Variants in NEGR1 observed in about 807,000 individuals in gnomAD.
The protein encoded by NEGR1 is neuronal growth regulator 1, also known as IgLON family member 4.
In NEGR1, 10 loss-of-function variants were observed where a neutral mutation model predicts 40.9. That is an observed-to-expected ratio of 0.24 (90% CI 0.15 to 0.42). The LOEUF is 0.42. NEGR1 is among the 10% of genes least tolerant of loss of function. The pLI is 1.00. For synonymous variants in NEGR1, 185 were observed against 166.8 expected (o/e 1.11, Z -0.84); for missense variants, 352 against 438.9 (o/e 0.80, Z 1.77).
Position 72,026,227 on chromosome 1 carries a change from A to G in NEGR1, c.177-90916T>C, listed in dbSNP as rs578010302. The stretch of plus-strand genomic sequence containing the variant: ...TGTGAAGTGGTTCTCATCTCAACTG[A>G]TTTACTGTTAAAAATGGAAAGATAG... On this transcript the variant is annotated intron_variant, in intron 1 of 6. Coordinates refer to ENST00000357731, the MANE Select transcript of NEGR1 (RefSeq NM_173808.3). Among the ~76,000 whole-genome samples the G allele has an allele frequency of 6.0e-5, 9 of 150,596 alleles. No individual in the cohort carries two copies. In the South Asian group the frequency reaches 8.4e-4, roughly 14 times the overall value.
chr1:71,965,721 CAATAT>C, intron 1 of NEGR1, among the ~76,000 whole-genome samples: 1 of 152,000 alleles, frequency 6.6e-6, no homozygotes, highest in South Asian at 2.1e-4. Context: ...TAACAGAATC[CAATAT>C]AATAAATTAA....
intron 6 of NEGR1, among the ~76,000 whole-genome samples, chr1:71,485,163 G>A (rs1646879686): frequency 6.6e-6 from 1 of 151,490 alleles, no homozygotes; most frequent in Admixed American, 6.6e-5. Context: ...TGTGTGTGAG[G>A]AGGTAAAGAA....
chr1:72,239,007 G>C (rs1009981347), intron 1 of NEGR1, among the ~76,000 whole-genome samples: 1 of 151,726 alleles, frequency 6.6e-6, no homozygotes, highest in African/African-American at 2.4e-5. Flanking sequence ...CATTTTTCAT[G>C]GGTGTCACAT....
intron 1 of NEGR1, among the ~76,000 whole-genome samples, chr1:72,080,556 T>G (rs1647951966): frequency 6.6e-6 from 1 of 152,118 alleles, no homozygotes; most frequent in Non-Finnish European, 1.5e-5. Context: ...TATAGTGAAT[T>G]ATGCACTAGG....
intron 2 of NEGR1, among the ~76,000 whole-genome samples, chr1:71,902,301 G>A (rs753879336): frequency 1.3e-5 from 2 of 152,132 alleles, no homozygotes; most frequent in Non-Finnish European, 2.9e-5. Flanking sequence ...ACATGTATTC[G>A]TTAAAGCTTG....
chr1:71,991,971 A>G (rs1239756383), intron 1 of NEGR1, among the ~76,000 whole-genome samples: 1 of 151,104 alleles, frequency 6.6e-6, no homozygotes, highest in African/African-American at 2.4e-5. Context: ...TTTTTTTTGT[A>G]TTTTAGTAGA....
chr1:71,694,418 C>T (rs749295513), intron 4 of NEGR1, among the ~76,000 whole-genome samples: 7 of 151,780 alleles, frequency 4.6e-5, no homozygotes, highest in Non-Finnish European at 1.0e-4. Flanking sequence ...TAATATCCCC[C>T]TACTTAGAAA....
intron 1 of NEGR1, among the ~76,000 whole-genome samples, chr1:72,157,285 G>A (rs990224951): frequency 1.3e-5 from 2 of 151,998 alleles, no homozygotes; most frequent in African/African-American, 4.8e-5. Context: ...TTGTTTGTGT[G>A]TTTTATATTG....
chr1:71,554,595 C>A (rs936418124), intron 6 of NEGR1, among the ~76,000 whole-genome samples: 5 of 151,368 alleles, frequency 3.3e-5, no homozygotes, highest in African/African-American at 1.2e-4. Context: ...TGCCCTCAAA[C>A]TCCAAAAAAC....
chr1:72,060,533 A>G (rs1647157587), intron 1 of NEGR1, among the ~76,000 whole-genome samples: 1 of 151,632 alleles, frequency 6.6e-6, no homozygotes, highest in South Asian at 2.1e-4. Flanking sequence ...TTAATGAAAG[A>G]TCTATGTCTT....
At chr1:71,996,232 A>T (rs953660510) in intron 1 of NEGR1, among the ~76,000 whole-genome samples, 1 of 152,176 alleles carries the variant, frequency 6.6e-6, no homozygotes. Flanking sequence ...TAGATAAAAC[A>T]TACTTTCTAT....
At chr1:71,458,088 A>G (rs1646687183) in intron 6 of NEGR1, among the ~76,000 whole-genome samples, 1 of 152,118 alleles carries the variant, frequency 6.6e-6, no homozygotes, top group South Asian at 2.1e-4. Context: ...TTTATCCTAG[A>G]TCTATTTAAC....
intron 6 of NEGR1, among the ~76,000 whole-genome samples, chr1:71,492,111 G>A (rs561346593): frequency 6.6e-6 from 1 of 152,164 alleles, no homozygotes; most frequent in East Asian, 1.9e-4. Context: ...CTTTGATCTT[G>A]GAGAGCTATG....
intron 6 of NEGR1, among the ~76,000 whole-genome samples, chr1:71,418,433 C>T (rs1569849135): frequency 6.6e-6 from 1 of 152,102 alleles, no homozygotes; most frequent in East Asian, 1.9e-4. Context: ...CCTGCCTCAG[C>T]CTCTCGAGTA....
At chr1:72,269,681 C>CA (rs1655777371) in intron 1 of NEGR1, among the ~76,000 whole-genome samples, 1 of 151,538 alleles carries the variant, frequency 6.6e-6, no homozygotes, top group African/African-American at 2.4e-5. Context: ...AAGTGATGTT[C>CA]AATAGCTGTT....
intron 6 of NEGR1, among the ~76,000 whole-genome samples, chr1:71,574,771 A>G (rs990413935): frequency 2.0e-5 from 3 of 152,184 alleles, no homozygotes; most frequent in African/African-American, 7.2e-5. Flanking sequence ...CCCTTAGCCC[A>G]TACTTATTCT....
At chr1:71,639,732 C>G (rs1004037989) in intron 4 of NEGR1, among the ~76,000 whole-genome samples, 2 of 152,022 alleles carry the variant, frequency 1.3e-5, no homozygotes, top group Non-Finnish European at 2.9e-5. Flanking sequence ...ATAGGCCCAA[C>G]ATGGGCACAT....
chr1:71,989,802 A>G (rs1289258893), intron 1 of NEGR1, among the ~76,000 whole-genome samples: 1 of 152,212 alleles, frequency 6.6e-6, no homozygotes, highest in Non-Finnish European at 1.5e-5. Flanking sequence ...TTTCTATCAC[A>G]GCTTTCACAT....
intron 6 of NEGR1, among the ~76,000 whole-genome samples, chr1:71,481,363 T>G (rs1001210722): frequency 6.6e-6 from 1 of 151,916 alleles, no homozygotes. Flanking sequence ...ACCATAACCA[T>G]TCTCTTTACA....
Sources: allele counts gnomAD v4.1 joint callset (sites outside exome capture counted in the v4.1 genomes callset), GRCh38; gene constraint gnomAD v4.1.1; transcripts MANE v1.5; gene names NCBI Gene and HGNC (gene_info 2026-07-23, HGNC 2026-07-21).